The following CACNA1C variants were observed in gnomAD, a reference collection of about 807,000 sequenced individuals.
The protein encoded by CACNA1C is calcium voltage-gated channel subunit alpha1 C.
CACNA1C carries 30 observed loss-of-function variants against 229.0 expected under a neutral mutation model. That is an observed-to-expected ratio of 0.13 (90% CI 0.10 to 0.18). The LOEUF (loss-of-function observed/expected upper bound fraction) is 0.18. Among genes scored for constraint, CACNA1C ranks in the 10% least tolerant of loss-of-function variants. The pLI is 1.00. For synonymous variants in CACNA1C, 1,114 were observed against 1,132.5 expected (o/e 0.98, Z 0.33); for missense variants, 1,658 against 2,845.0 (o/e 0.58, Z 9.49).
At chr12:2,580,886 A>G (rs914132620) in intron 13 of CACNA1C, among the ~76,000 whole-genome samples, 6 of 152,220 alleles carry the variant, frequency 3.9e-5, no homozygotes, top group African/African-American at 1.4e-4. Flanking sequence ...ATCCTGTAGG[A>G]TGCTTGTTAG....
intron 5 of CACNA1C, among the ~76,000 whole-genome samples, chr12:2,463,762 C>T (rs888447709): frequency 2.6e-5 from 4 of 152,180 alleles, no homozygotes; most frequent in Non-Finnish European, 4.4e-5. Context: ...CAGATTGGCT[C>T]TTCCAATGGG....
intron 3 of CACNA1C, among the ~76,000 whole-genome samples, chr12:2,389,572 A>G (rs1010052076): frequency 6.6e-6 from 1 of 152,218 alleles, no homozygotes; most frequent in African/African-American, 2.4e-5. Context: ...GTCATCTTAC[A>G]AGCCCTGTGT....
intron 3 of CACNA1C, among the ~76,000 whole-genome samples, chr12:2,242,661 T>C (rs2071043277): frequency 6.6e-6 from 1 of 152,228 alleles, no homozygotes; most frequent in African/African-American, 2.4e-5. Flanking sequence ...TACCTGCTCC[T>C]AGTTAGTGAA....
intron 9 of CACNA1C, among the ~76,000 whole-genome samples, chr12:2,520,162 C>T (rs1476763829): frequency 7.1e-6 from 1 of 141,592 alleles, no homozygotes; most frequent in African/African-American, 2.7e-5. Flanking sequence ...TGGCCGTGTG[C>T]TTCAGAGGAG....
intron 38 of CACNA1C, among the ~76,000 whole-genome samples, chr12:2,670,884 C>A: frequency 6.7e-6 from 1 of 148,252 alleles, no homozygotes; most frequent in Non-Finnish European, 1.5e-5. Context: ...AAAAATAGGA[C>A]AAGTTCTGCT....
intron 3 of CACNA1C, among the ~76,000 whole-genome samples, chr12:2,386,346 G>T (rs2098389623): frequency 6.6e-6 from 1 of 152,176 alleles, no homozygotes; most frequent in South Asian, 2.1e-4. Flanking sequence ...AGAAGCACCA[G>T]CCAGGATCTG....
intron 3 of CACNA1C, among the ~76,000 whole-genome samples, chr12:2,377,312 G>A (rs916176142): frequency 6.6e-6 from 1 of 152,160 alleles, no homozygotes; most frequent in African/African-American, 2.4e-5. Flanking sequence ...AGAGCCCTAA[G>A]AGGTGATGTT....
chr12:2,196,397 C>T (rs2097403644), intron 3 of CACNA1C, among the ~76,000 whole-genome samples: 1 of 152,164 alleles, frequency 6.6e-6, no homozygotes, highest in South Asian at 2.1e-4. Flanking sequence ...TGTGAAAGCC[C>T]AAATGAGGCC....
At chr12:2,309,137 A>G (rs891537741) in intron 3 of CACNA1C, among the ~76,000 whole-genome samples, 4 of 152,250 alleles carry the variant, frequency 2.6e-5, no homozygotes, top group Non-Finnish European at 5.9e-5. Flanking sequence ...TTTTCTATAT[A>G]TAATGGAATA....
intron 3 of CACNA1C, among the ~76,000 whole-genome samples, chr12:2,292,425 GAGA>G (rs1488395425): frequency 6.6e-6 from 1 of 152,200 alleles, no homozygotes; most frequent in Non-Finnish European, 1.5e-5. Context: ...GAGGTATTTG[GAGA>G]AGGACACAGT....
chr12:2,232,883 G>T (rs537253965), intron 3 of CACNA1C, among the ~76,000 whole-genome samples: 1 of 152,098 alleles, frequency 6.6e-6, no homozygotes, highest in South Asian at 2.1e-4. Flanking sequence ...TTTAGCTTTG[G>T]CCATTGGGAG....
chr12:2,075,568 T>C (rs1358405314), intron 1 of CACNA1C, among the ~76,000 whole-genome samples: 1 of 152,222 alleles, frequency 6.6e-6, no homozygotes, highest in Non-Finnish European at 1.5e-5. Flanking sequence ...GCCATGTTTA[T>C]GTTATTTCCT....
chr12:2,179,846 C>T (rs984140735), intron 3 of CACNA1C, among the ~76,000 whole-genome samples: 3 of 152,236 alleles, frequency 2.0e-5, no homozygotes, highest in African/African-American at 7.2e-5. Flanking sequence ...TTCCTGCCTC[C>T]AAACCACTGT....
At chr12:2,023,925 G>C (rs2046887656) in intron 1 of CACNA1C, among the ~76,000 whole-genome samples, 1 of 152,198 alleles carries the variant, frequency 6.6e-6, no homozygotes, top group South Asian at 2.1e-4. Flanking sequence ...ATCTTGAAAA[G>C]AGCACTGCAC....
At position 2,179,546 on chromosome 12, in the gene CACNA1C, C is replaced by CATT. The variant is rs951441524; in HGVS notation, c.477+59117_477+59119dup. Among the ~76,000 whole-genome samples, 10 of 152,302 alleles carry CATT rather than the reference C, an allele frequency of 6.6e-5. No homozygotes were observed. The East Asian group carries it at 1.5e-3, about 23-fold the overall frequency. ...GAAACTCCGGGCTCTGAATACTGAA[C>CATT]ATTGACCCAGACCCCTATTGCGTTA... On this transcript the variant is annotated intron_variant, in intron 3 of 46. Coordinates refer to ENST00000399655, the MANE Select transcript of CACNA1C (RefSeq NM_000719.7).
intron 1 of CACNA1C, among the ~76,000 whole-genome samples, chr12:2,009,798 G>A (rs1013678895): frequency 6.6e-6 from 1 of 152,240 alleles, no homozygotes; most frequent in East Asian, 1.9e-4. Flanking sequence ...AGTAGGAAGG[G>A]CACCCCCTCC....
chr12:2,020,349 C>A (rs1365687026), intron 1 of CACNA1C: 2 of 152,142 alleles, frequency 1.3e-5, no homozygotes, highest in Non-Finnish European at 2.9e-5. Context: ...CAGTGTCACC[C>A]CTGGTAGCTG....
chr12:2,452,405 C>T (rs536861962), intron 4 of CACNA1C, among the ~76,000 whole-genome samples: 43 of 152,282 alleles, frequency 2.8e-4, no homozygotes, highest in South Asian at 2.1e-3. Flanking sequence ...TTTGTTGCAT[C>T]CCTACCTCCC....
rs555608754 is a variant in CACNA1C at position 2,343,574 on chromosome 12, G to C, written c.478-105402G>C. On this transcript the variant is annotated intron_variant, in intron 3 of 46. Transcript: ENST00000399655. ...GTTGTTTATCTGAAATTCAAATCTA[G>C]CTGGGTGTCCTGTATTTTATCTGTA... Among the ~76,000 whole-genome samples, 7 of 152,258 alleles carry C rather than the reference G, an allele frequency of 4.6e-5. No homozygotes were observed. The South Asian group carries it at 1.5e-3, about 32-fold the overall frequency.
Sources: allele counts gnomAD v4.1 joint callset (sites outside exome capture counted in the v4.1 genomes callset), GRCh38; gene constraint gnomAD v4.1.1; transcripts MANE v1.5; gene names NCBI Gene and HGNC (gene_info 2026-07-23, HGNC 2026-07-21).